Variants in MAP7D2 observed in about 807,000 individuals in gnomAD.
The protein encoded by MAP7D2 is MAP7 domain-containing protein 2.
MAP7D2 carries 33 observed loss-of-function variants against 63.5 expected under a neutral mutation model. The observed-to-expected ratio is 0.52, with a 90% CI of 0.39 to 0.70. The LOEUF is 0.70. MAP7D2 is among the 30% of genes least tolerant of loss of function. The pLI, the probability that MAP7D2 is intolerant of heterozygous loss-of-function variation, is 0.00. For missense variants in MAP7D2, 626 were observed against 604.0 expected, an observed-to-expected ratio of 1.04 and a Z score of -0.38; for synonymous variants, 224 against 223.7, an observed-to-expected ratio of 1.00 and a Z score of -0.01.
At chrX:20,070,604 C>T (rs1037898342) in intron 1 of MAP7D2, among the ~76,000 whole-genome samples, 1 of 111,294 alleles carries the variant, frequency 9.0e-6, no homozygotes, top group African/African-American at 3.3e-5. Flanking sequence ...CCACCCCTTC[C>T]CCACTGTTGA....
At chrX:20,055,419 C>G (rs974087320) in intron 4 of MAP7D2, among the ~76,000 whole-genome samples, 1 of 111,732 alleles carries the variant, frequency 8.9e-6, no homozygotes, top group Non-Finnish European at 1.9e-5. Flanking sequence ...TTCTTAATGT[C>G]TACAACAGAT....
intron 1 of MAP7D2, among the ~76,000 whole-genome samples, chrX:20,109,844 T>C (rs1278449794): frequency 9.1e-6 from 1 of 110,344 alleles, no homozygotes; most frequent in African/African-American, 3.3e-5. Flanking sequence ...GAGACCAGCC[T>C]GGCCAACATG....
chrX:20,051,165 G>C (rs2064938104), intron 5 of MAP7D2, among the ~76,000 whole-genome samples: 2 of 111,518 alleles, frequency 1.8e-5, no homozygotes, highest in Middle Eastern at 4.6e-3. Context: ...ATTGTCACTA[G>C]GTACCAAAAT....
rs781302432 is a variant in MAP7D2, at chrX:20,044,415, A to T, written c.828T>A (p.Ser276=). ...CTTCTTTCCCAACATCTCCTGCACC[A>T]GATGTAGACGTAGATGTAGCTTTCT... The part of the protein sequence containing the change: ...EKKKATSTST[S]GAGDVGKEAL... Residue 276 remains serine, a synonymous_variant, in exon 7 of 17, where the codon TCT becomes TCA. Transcript: ENST00000379643. 2 of 1,211,608 alleles carry T rather than the reference A, an allele frequency of 1.7e-6. No homozygotes were observed. Among genetic ancestry groups the T allele is most frequent in the East Asian group, 5.9e-5 (2 of 33,842 alleles).
intron 8 of MAP7D2, 127 bp from the exon 9 acceptor site, chrX:20,026,079 G>C (rs1039818629): frequency 1.7e-4 from 129 of 750,368 alleles, no homozygotes; most frequent in Non-Finnish European, 2.2e-4. Flanking sequence ...ATAGGGCTTA[G>C]CACACACTCA....
At chrX:20,089,701 A>G (rs1053747463) in intron 1 of MAP7D2, among the ~76,000 whole-genome samples, 3 of 112,522 alleles carry the variant, frequency 2.7e-5, no homozygotes, top group Admixed American at 9.4e-5. Flanking sequence ...GAGCTTTCCA[A>G]CGTTTTAGAT....
rs2073061971 is a variant in MAP7D2 at position 20,008,058 on chromosome X, T to C, written c.*367A>G. On this transcript the variant is annotated 3_prime_UTR_variant, in exon 17 of 17. Transcript: ENST00000379643. ...ACAGGAAAAGACATCTAAATGTTTA[T>C]GTGCTCCAACTTTGGGAATAAGAAT... 8.9e-6 allele frequency: 1 copy of C among 112,216 alleles called. No individual in the cohort carries two copies. Among genetic ancestry groups the C allele is most frequent in the Admixed American group, 9.5e-5 (1 of 10,529 alleles). 9.2% of individuals were successfully genotyped at this position (112,216 alleles called of 1,213,427 possible).
At chrX:20,060,438 GAAAGAA>G (rs1569098469) in intron 3 of MAP7D2, among the ~76,000 whole-genome samples, 689 of 40,519 alleles carry the variant, frequency 0.017, 2 homozygotes, top group Non-Finnish European at 0.031. Context: ...GAGAGAGAAA[GAAAGAA>G]AGAAAGAAAG....
intron 1 of MAP7D2, among the ~76,000 whole-genome samples, chrX:20,077,709 C>A (rs1020000576): frequency 8.9e-6 from 1 of 112,096 alleles, no homozygotes; most frequent in Admixed American, 9.5e-5. Flanking sequence ...TGCACACACA[C>A]CTGGAAACCT....
intron 15 of MAP7D2, among the ~76,000 whole-genome samples, chrX:20,011,305 CAT>C (rs1206768945): frequency 9.0e-6 from 1 of 111,445 alleles, no homozygotes; most frequent in African/African-American, 3.3e-5. Flanking sequence ...GCCAAGGTCA[CAT>C]TGCCCAAAGG....
At chrX:20,036,903 C>CAAA (rs59036515) in intron 8 of MAP7D2, among the ~76,000 whole-genome samples, 8 of 29,685 alleles carry the variant, frequency 2.7e-4, no homozygotes, top group Admixed American at 8.5e-4. Context: ...GACTCCATCT[C>CAAA]AAAAAAAAAA....
At chrX:20,023,639 G>C (rs779651727) in intron 10 of MAP7D2, among the ~76,000 whole-genome samples, 1 of 112,153 alleles carries the variant, frequency 8.9e-6, no homozygotes, top group Non-Finnish European at 1.9e-5. Flanking sequence ...GACGGTGGTA[G>C]CTGGAAAGTA....
chrX:20,088,735 GTTTGA>G (rs1418295219), intron 1 of MAP7D2, among the ~76,000 whole-genome samples: 6 of 110,102 alleles, frequency 5.4e-5, no homozygotes, highest in Admixed American at 2.9e-4. Flanking sequence ...ATTTTTGATG[GTTTGA>G]TTTATCAATT....
chrX:20,011,834 T>C (rs764080840), intron 15 of MAP7D2, among the ~76,000 whole-genome samples: 12 of 112,693 alleles, frequency 1.1e-4, no homozygotes, highest in Middle Eastern at 4.6e-3. Flanking sequence ...AGTTTCATAA[T>C]TGCGCCAGCT....
At chrX:20,088,323 C>T (rs1278248077) in intron 1 of MAP7D2, among the ~76,000 whole-genome samples, 5 of 103,448 alleles carry the variant, frequency 4.8e-5, no homozygotes, top group Non-Finnish European at 7.9e-5. Context: ...GACGGAGTCT[C>T]GCTCTGTGTC....
At chrX:20,061,076 C>T (rs1249794472) in intron 3 of MAP7D2, among the ~76,000 whole-genome samples, 1 of 98,882 alleles carries the variant, frequency 1.0e-5, no homozygotes, top group Non-Finnish European at 2.0e-5. Context: ...GAATGATCTT[C>T]CTGCAGAGGC....
chrX:20,067,655 T>C (rs189424474), intron 1 of MAP7D2, among the ~76,000 whole-genome samples: 81 of 111,743 alleles, frequency 7.2e-4, no homozygotes, highest in Non-Finnish European at 1.1e-4. Context: ...AATTTTTTTT[T>C]CCTAATCTCT....
chrX:20,035,650 G>C (rs986687117), intron 8 of MAP7D2, among the ~76,000 whole-genome samples: 26 of 110,961 alleles, frequency 2.3e-4, no homozygotes, highest in South Asian at 1.2e-3. Context: ...CAGCACTTTG[G>C]GAGGCTGAGG....
intron 1 of MAP7D2, among the ~76,000 whole-genome samples, chrX:20,115,249 A>C (rs1448839146): frequency 9.2e-6 from 1 of 108,592 alleles, no homozygotes; most frequent in Non-Finnish European, 1.9e-5. Context: ...TAAAAAAAAA[A>C]AAAAAAAAAC....
Sources: allele counts gnomAD v4.1 joint callset (sites outside exome capture counted in the v4.1 genomes callset), GRCh38; gene constraint gnomAD v4.1.1; transcripts MANE v1.5; gene names NCBI Gene and HGNC (gene_info 2026-07-23, HGNC 2026-07-21).